Variants in FBN2 observed in about 807,000 individuals in gnomAD.
The protein encoded by FBN2 is fibrillin 2.
Under a neutral mutation model 355.6 loss-of-function variants are expected in FBN2, and 105 were observed. The observed-to-expected ratio is 0.30, with a 90% confidence interval of 0.25 to 0.35. The LOEUF is 0.35. Ranked by LOEUF, FBN2 falls within the 10% of genes least tolerant of loss-of-function variation. The probability of loss-of-function intolerance (pLI) is 1.00; values close to 1 mark genes in which losing one functional copy is unlikely to be tolerated. For synonymous variants in FBN2, 1,350 were observed against 1,301.2 expected (o/e 1.04, Z -0.81); for missense variants, 3,280 against 3,758.7 (o/e 0.87, Z 3.33).
At chr5:128,479,358 A>G (rs1013186867) in intron 5 of FBN2, among the ~76,000 whole-genome samples, 3 of 152,172 alleles carry the variant, frequency 2.0e-5, no homozygotes, top group Non-Finnish European at 4.4e-5. Flanking sequence ...TGCAGGGTAG[A>G]GGAAATAGTG....
At chr5:128,403,809 G>C (rs1363136928) in intron 8 of FBN2, among the ~76,000 whole-genome samples, 3 of 151,452 alleles carry the variant, frequency 2.0e-5, no homozygotes, top group Admixed American at 6.6e-5. Flanking sequence ...AAACAAATCA[G>C]AAATTTGACT....
At chr5:128,393,085 G>T in intron 10 of FBN2, 50 bp downstream of exon 10, 1 of 1,354,092 alleles carries the variant, frequency 7.4e-7, no homozygotes, top group Non-Finnish European at 1.1e-6. Flanking sequence ...ATATTATAAT[G>T]TCACTTGAGG....
chr5:128,479,966 CTCTCTCTCTCTATATATATATATATATA>C (rs1421410172), intron 5 of FBN2, among the ~76,000 whole-genome samples: 84 of 31,582 alleles, frequency 2.7e-3, no homozygotes, highest in Admixed American at 0.016. Context: ...CTCTCTCTCT[CTCTCTCTCTCTATATATATATATATATA>C]TATATATATA....
At chr5:128,494,434 CT>C (rs1200350146) in intron 5 of FBN2, among the ~76,000 whole-genome samples, 9 of 152,142 alleles carry the variant, frequency 5.9e-5, no homozygotes, top group African/African-American at 2.2e-4. Flanking sequence ...GCTAAGAAGT[CT>C]TTTTGGAGTC....
intron 34 of FBN2, among the ~76,000 whole-genome samples, chr5:128,324,118 G>C (rs528667781): frequency 7.0e-4 from 106 of 152,278 alleles, no homozygotes; most frequent in Middle Eastern, 6.8e-3. Flanking sequence ...TTATATTTCT[G>C]TGTGATCAGT....
At chr5:128,322,978 G>T (rs1750425957) in intron 34 of FBN2, among the ~76,000 whole-genome samples, 1 of 152,102 alleles carries the variant, frequency 6.6e-6, no homozygotes, top group South Asian at 2.1e-4. Flanking sequence ...CCTTTAAGAG[G>T]CCCTTCACAT....
intron 34 of FBN2, among the ~76,000 whole-genome samples, chr5:128,322,052 T>A (rs574375002): frequency 2.0e-5 from 3 of 152,310 alleles, no homozygotes; most frequent in Admixed American, 6.5e-5. Flanking sequence ...AGTGAGGATG[T>A]GCTTTTTTTC....
intron 7 of FBN2, among the ~76,000 whole-genome samples, chr5:128,442,713 G>A (rs1403559669): frequency 2.0e-5 from 3 of 151,924 alleles, no homozygotes; most frequent in Non-Finnish European, 4.4e-5. Flanking sequence ...TGAGCAAAGG[G>A]GGATAATAAC....
chr5:128,532,211 T>G (rs561963247), intron 2 of FBN2, among the ~76,000 whole-genome samples: 1 of 152,318 alleles, frequency 6.6e-6, no homozygotes, highest in East Asian at 1.9e-4. Context: ...CCTACAGCCT[T>G]TCTCCTTCCA....
intron 5 of FBN2, among the ~76,000 whole-genome samples, chr5:128,466,561 A>T (rs1217277240): frequency 6.6e-6 from 1 of 152,232 alleles, no homozygotes; most frequent in African/African-American, 2.4e-5. Context: ...CCTTAAAACC[A>T]CATAAAACTT....
Position 128,393,310 on chromosome 5 carries a change from A to G in FBN2, c.1290T>C (p.Ala430=), listed in dbSNP as rs1042031279. 1 of 1,614,092 alleles carries G rather than the reference A, an allele frequency of 6.2e-7. No individual in the cohort carries two copies. Among genetic ancestry groups the G allele is most frequent in the Non-Finnish European group, 8.5e-7 (1 of 1,180,042 alleles). ...GLPMGGIPGS[A]GSRPGGTGGN... ...CCCCAGTGCCTCCAGGTCTGGAACC[A>G]GCACTCCCTGGAATTCCTCCCATTG... is the stretch of plus-strand genomic sequence containing the variant. Residue 430 remains alanine, a synonymous_variant, in exon 10 of 65, where the codon GCT becomes GCC. Transcript: ENST00000262464.
In FBN2 at chr5:128,300,953, G is replaced by A; in HGVS notation, c.6047-17C>T. On this transcript the variant is annotated splice_polypyrimidine_tract_variant and intron_variant, in intron 47 of 64. Coordinates refer to ENST00000262464, the MANE Select transcript of FBN2 (RefSeq NM_001999.4). The stretch of plus-strand genomic sequence containing the variant: ...CATTAGTGTCTTTAGAGAAAAAGAA[G>A]AGAAAAAATAATTTAAGCATGAGAT... 1 of 1,611,294 alleles carries A rather than the reference G, an allele frequency of 6.2e-7. No homozygotes were observed. Among genetic ancestry groups the A allele is most frequent in the South Asian group, 1.1e-5 (1 of 90,998 alleles).
At chr5:128,493,547 G>C (rs1202356987) in intron 5 of FBN2, among the ~76,000 whole-genome samples, 1 of 151,956 alleles carries the variant, frequency 6.6e-6, no homozygotes, top group East Asian at 1.9e-4. Context: ...ATATTAATGG[G>C]GTATAATCCT....
intron 48 of FBN2, among the ~76,000 whole-genome samples, chr5:128,292,973 A>C (rs1749370360): frequency 6.6e-6 from 1 of 152,176 alleles, no homozygotes; most frequent in Non-Finnish European, 1.5e-5. Flanking sequence ...TATTTACAAA[A>C]TAGGTCTCTC....
At chr5:128,396,313 G>A (rs1027685928) in intron 8 of FBN2, among the ~76,000 whole-genome samples, 6 of 152,222 alleles carry the variant, frequency 3.9e-5, no homozygotes, top group African/African-American at 1.2e-4. Flanking sequence ...AGCCTGGAAT[G>A]CAGAAGCATA....
Position 128,309,252 on chromosome 5 carries a change from C to T in FBN2, c.5348G>A (p.Gly1783Glu). The T allele has an allele frequency of 6.2e-7, 1 of 1,614,042 alleles. No individual in the cohort carries two copies. Among genetic ancestry groups the T allele is most frequent in the Non-Finnish European group, 8.5e-7 (1 of 1,179,954 alleles). The change falls in exon 41 of 65, where the codon GGA becomes GAA. Residue 1783 changes from glycine to glutamate, a missense_variant. Coordinates refer to ENST00000262464, the MANE Select transcript of FBN2 (RefSeq NM_001999.4). ...TGCACGAGCCGTGTGCTTACCTGTTCCTGGAGTTGGGCATGGTTCACAAGG... is the reference window on the plus strand; with the variant it reads ...TGCACGAGCCGTGTGCTTACCTGTTTCTGGAGTTGGGCATGGTTCACAAGG... Reference protein sequence around the residue: ...NKPCEPCPTPGTADFKTICGN... With the variant: ...NKPCEPCPTPETADFKTICGN...
chr5:128,480,675 A>C (rs1011442508), intron 5 of FBN2, among the ~76,000 whole-genome samples: 2 of 152,152 alleles, frequency 1.3e-5, no homozygotes, highest in Non-Finnish European at 2.9e-5. Flanking sequence ...GCGCCATTGC[A>C]GTGAGCCAAG....
chr5:128,398,837 T>G (rs1405806185), intron 8 of FBN2, among the ~76,000 whole-genome samples: 1 of 152,168 alleles, frequency 6.6e-6, no homozygotes, highest in African/African-American at 2.4e-5. Context: ...TGAATAAGTC[T>G]CAAGAGATCT....
chr5:128,269,585 A>G (rs1163457578), intron 62 of FBN2, among the ~76,000 whole-genome samples: 3 of 152,218 alleles, frequency 2.0e-5, no homozygotes, highest in African/African-American at 7.2e-5. Flanking sequence ...ATACACCAAC[A>G]ATAGACAAGC....
Sources: gnomAD v4.1 joint callset for allele counts (sites outside exome capture counted in the v4.1 genomes callset) on GRCh38, gnomAD v4.1.1 for gene constraint, MANE v1.5 for transcripts, NCBI Gene and HGNC (gene_info 2026-07-23, HGNC 2026-07-21) for gene names.